The following MYO7A variants were observed in gnomAD, a reference collection of about 807,000 sequenced individuals.
The protein encoded by MYO7A is unconventional myosin-VIIa.
In MYO7A, 210 loss-of-function variants were observed where a neutral mutation model predicts 263.8. That is an observed-to-expected ratio of 0.80 (90% confidence interval 0.71 to 0.89). The LOEUF (loss-of-function observed/expected upper bound fraction) is 0.89. Among genes scored for constraint, MYO7A ranks in the 40% least tolerant of loss-of-function variants. MYO7A has a pLI of 0.00. For synonymous variants in MYO7A, 1,239 were observed against 1,197.3 expected (o/e 1.03, Z -0.72); for missense variants, 2,820 against 2,968.3 (o/e 0.95, Z 1.16).
In MYO7A at chr11:77,189,358, G is replaced by T. The variant is rs782101522; in HGVS notation, c.3518G>T (p.Cys1173Phe). 2 of 1,613,510 alleles carry T rather than the reference G, an allele frequency of 1.2e-6. No individual in the cohort carries two copies. Among genetic ancestry groups the T allele is most frequent in the Admixed American group, 3.3e-5 (2 of 60,024 alleles). ...LRPALRDEIY[C>F]QISKQLTHNP... ...TGCCTGCCCAGGGACGAGATCTACT[G>T]CCAGATCAGCAAGCAGCTGACCCAC... is the stretch of plus-strand genomic sequence containing the variant. The change falls in exon 28 of 49, where the codon TGC becomes TTC. Residue 1173 changes from cysteine (C) to phenylalanine (F), a missense_variant. Transcript: ENST00000409709.
intron 10 of MYO7A, 89 bp from the exon 11 acceptor site, chr11:77,160,069 GGGCCA>G (rs1952841245): frequency 1.3e-6 from 2 of 1,488,656 alleles, no homozygotes; most frequent in Non-Finnish European, 1.8e-6. Flanking sequence ...GCAGTGGTCT[GGGCCA>G]GGCCAGTGCC....
intron 14 of MYO7A, among the ~76,000 whole-genome samples, chr11:77,164,643 G>T (rs533471534): frequency 1.1e-4 from 17 of 152,228 alleles, no homozygotes; most frequent in African/African-American, 4.1e-4. Context: ...CAAACAAATT[G>T]GTCTTTCATT....
intron 2 of MYO7A, among the ~76,000 whole-genome samples, chr11:77,137,396 T>C (rs968028356): frequency 6.6e-6 from 1 of 151,684 alleles, no homozygotes; most frequent in African/African-American, 2.4e-5. Flanking sequence ...TGGGGAGCAG[T>C]TGGCTTCCAG....
At chr11:77,207,611 C>T (rs922841924) in intron 42 of MYO7A, among the ~76,000 whole-genome samples, 4 of 152,218 alleles carry the variant, frequency 2.6e-5, no homozygotes, top group African/African-American at 9.6e-5. Flanking sequence ...GGCTCAAACC[C>T]TCTTAGGGGC....
intron 3 of MYO7A, among the ~76,000 whole-genome samples, chr11:77,143,053 A>G (rs1035011024): frequency 2.3e-4 from 35 of 152,248 alleles, no homozygotes; most frequent in African/African-American, 8.2e-4. Flanking sequence ...TCCACTCTGC[A>G]TGGTGTTAGA....
chr11:77,158,364 A>T lies in MYO7A; in HGVS notation c.937A>T (p.Thr313Ser). ...CATGAAGGTGCTCATGTTCACTGAC[A>T]CCGAGAACTGGGAGATCTCGAAGCT... ...SAMKVLMFTD[T>S]ENWEISKLLA... The change falls in exon 9 of 49, where the codon ACC (threonine) becomes TCC (serine). Residue 313 changes from threonine to serine, a missense_variant. Physicochemically the swap from Thr to Ser is moderately conservative, Grantham distance 58. Coordinates refer to ENST00000409709, the MANE Select transcript of MYO7A (RefSeq NM_000260.4). 6.2e-7 allele frequency: 1 copy of T among 1,613,406 alleles called. No homozygotes were observed. The highest frequency in any genetic ancestry group is 8.5e-7 in the Non-Finnish European group (1 of 1,179,794).
Position 77,170,370 on chromosome 11 carries a change from C to T in MYO7A, c.1798-2378C>T, listed in dbSNP as rs185691450. 4.7e-4 allele frequency among the ~76,000 whole-genome samples: 71 copies of T among 152,214 alleles called. 1 individual carries two copies. The highest frequency in any genetic ancestry group is 3.6e-3 in the Admixed American group (55 of 15,298). ...GCCTGCATCCCAGGTGCACCTCAGG[C>T]AGGGCAAGGAGGCTGGAGGGGCTGG... On this transcript the variant is annotated intron_variant, in intron 15 of 48. Transcript: ENST00000409709.
At chr11:77,187,211 G>A (rs1354313719) in intron 27 of MYO7A, among the ~76,000 whole-genome samples, 1 of 152,216 alleles carries the variant, frequency 6.6e-6, no homozygotes, top group Non-Finnish European at 1.5e-5. Flanking sequence ...GATATTTCTA[G>A]TATTGCCAAA....
rs1956761030 is a variant in MYO7A, at chr11:77,197,576, T to C, written c.4419T>C (p.Phe1473=). The change falls in exon 33 of 49, where the codon TTT becomes TTC. Residue 1473 remains phenylalanine, a synonymous_variant. Transcript: ENST00000409709. ...AGTGGCCCTTGCTCTTCTCCAGGTTTTATGAAGCCTACAAATTCTCAGGTA... is the reference window on the plus strand; with the variant it reads ...AGTGGCCCTTGCTCTTCTCCAGGTTCTATGAAGCCTACAAATTCTCAGGTA... ...RFKWPLLFSR[F]YEAYKFSGPS... 1.9e-6 allele frequency: 3 copies of C among 1,600,456 alleles called. No homozygotes were observed. In the East Asian group the frequency reaches 6.8e-5, roughly 36 times the overall value.
chr11:77,162,086 A>G (rs1555069192), intron 12 of MYO7A, 34 bp from the exon 13 acceptor site: 2 of 1,562,294 alleles, frequency 1.3e-6, no homozygotes, highest in East Asian at 4.7e-5. Context: ...TGGGGCCTGA[A>G]CAACACCCTT....
chr11:77,188,176 C>T (rs1219255734), intron 27 of MYO7A, among the ~76,000 whole-genome samples: 2 of 152,198 alleles, frequency 1.3e-5, no homozygotes, highest in African/African-American at 4.8e-5. Context: ...CCTCTGTCTC[C>T]CCATCTGTAA....
intron 22 of MYO7A, among the ~76,000 whole-genome samples, chr11:77,180,892 G>T (rs1555083695): frequency 3.3e-5 from 5 of 152,100 alleles, no homozygotes; most frequent in Non-Finnish European, 7.4e-5. Flanking sequence ...TTGAAGATTT[G>T]GTGGGGGAAA....
chr11:77,153,780 G>A (rs1235746752), intron 4 of MYO7A, among the ~76,000 whole-genome samples: 3 of 152,008 alleles, frequency 2.0e-5, no homozygotes, highest in African/African-American at 7.2e-5. Context: ...CCAGCGGCTG[G>A]GCCCCCTGGC....
At chr11:77,153,639 G>T (rs577517258) in intron 4 of MYO7A, among the ~76,000 whole-genome samples, 2 of 152,198 alleles carry the variant, frequency 1.3e-5, no homozygotes, top group South Asian at 2.1e-4. Context: ...TCTGGAAGCT[G>T]GTCCATTAGG....
At chr11:77,208,062 C>G (rs1206506019) in intron 42 of MYO7A, among the ~76,000 whole-genome samples, 1 of 152,208 alleles carries the variant, frequency 6.6e-6, no homozygotes, top group Non-Finnish European at 1.5e-5. Flanking sequence ...CGCTGGGACC[C>G]AGAGGTGACC....
At chr11:77,198,663 G>T (rs371087036) in intron 34 of MYO7A, 42 bp downstream of exon 34, 128 of 1,611,356 alleles carry the variant, frequency 7.9e-5, no homozygotes, top group Non-Finnish European at 1.1e-4. Context: ...CAGAGGGGAA[G>T]GAGAGGGGCT....
chr11:77,136,946 G>A (rs1042696041), intron 2 of MYO7A, among the ~76,000 whole-genome samples: 6 of 152,174 alleles, frequency 3.9e-5, no homozygotes, highest in South Asian at 2.1e-4. Flanking sequence ...TGGGAGCTCT[G>A]AGGACATGTC....
rs199979876 is a variant in MYO7A at position 77,181,409 on chromosome 11, C to T, written c.2724C>T (p.Asp908=). The change falls in exon 23 of 49, where the codon GAC becomes GAT. Residue 908 remains aspartate (D), a synonymous_variant. Coordinates refer to ENST00000409709, the MANE Select transcript of MYO7A (RefSeq NM_000260.4). The part of the protein sequence containing the change: ...QERLAQLARE[D]AERELKEKEA... Reference sequence around the variant, plus strand: ...GCCTGGCCCAGCTGGCTCGTGAGGACGCTGAGCGGGAGCTGAAGGAGAAGG... The same window carrying T: ...GCCTGGCCCAGCTGGCTCGTGAGGATGCTGAGCGGGAGCTGAAGGAGAAGG... The T allele has an allele frequency of 4.0e-5, 63 of 1,581,100 alleles. No individual in the cohort carries two copies. Among genetic ancestry groups the T allele is most frequent in the Admixed American group, 2.2e-4 (12 of 54,772 alleles).
In MYO7A at chr11:77,212,960, G is replaced by T; in HGVS notation, c.6363G>T (p.Thr2121=). The part of the protein sequence containing the change: ...GSAFFEVKQT[T]EPNFPEILLI... ...CTCATCTTTTTTTCTAGCAAACTAC[G>T]GAGCCAAACTTCCCTGAGATCCTCC... The change falls in exon 47 of 49, where the codon ACG becomes ACT. Residue 2121 remains threonine (T), a synonymous_variant. Coordinates refer to ENST00000409709, the MANE Select transcript of MYO7A (RefSeq NM_000260.4). 1 of 1,593,510 alleles carries T rather than the reference G, an allele frequency of 6.3e-7. No individual in the cohort carries two copies. The highest frequency in any genetic ancestry group is 2.3e-5 in the East Asian group (1 of 44,228).
Sources: gnomAD v4.1 joint callset for allele counts (sites outside exome capture counted in the v4.1 genomes callset) on GRCh38, gnomAD v4.1.1 for gene constraint, MANE v1.5 for transcripts, NCBI Gene and HGNC (gene_info 2026-07-23, HGNC 2026-07-21) for gene names.